The following AKT2 variants were observed in gnomAD, a reference collection of about 807,000 sequenced individuals.
AKT2 encodes RAC-beta serine/threonine-protein kinase.
Under a neutral mutation model 58.6 loss-of-function variants are expected in AKT2, and 16 were observed. The observed-to-expected ratio is 0.27, with a 90% confidence interval of 0.18 to 0.41. AKT2 has a LOEUF of 0.41. Among genes scored for constraint, AKT2 ranks in the 10% least tolerant of loss-of-function variants. The pLI is 1.00. For synonymous variants in AKT2, 253 were observed against 254.0 expected (o/e 1.00, Z 0.04); for missense variants, 438 against 661.0 (o/e 0.66, Z 3.70).
At chr19:40,260,811 G>T (rs1260875875) in intron 2 of AKT2, among the ~76,000 whole-genome samples, 1 of 152,044 alleles carries the variant, frequency 6.6e-6, no homozygotes, top group Non-Finnish European at 1.5e-5. Flanking sequence ...AGCCAAGTGT[G>T]GTGGCACCTG....
Position 40,235,595 on chromosome 19 carries a change from A to G in AKT2, c.1176-245T>C, listed in dbSNP as rs975424321. ...TTACCCTGAGTCCAGAAAGGGAGTT[A>G]GTAGGGCAGGCTCCGTTCCTATCCT... On this transcript the variant is annotated intron_variant, in intron 11 of 13. Transcript: ENST00000392038. This position sits in a 1 kb window ranked among gnomAD's most constrained non-coding sequence, Gnocchi z 6.3. 4 of 619,452 alleles carry G rather than the reference A, an allele frequency of 6.5e-6. No individual in the cohort carries two copies. The highest frequency in any genetic ancestry group is 1.1e-5 in the Non-Finnish European group (4 of 348,700). The allele number at this position is 619,452 out of a possible 1,614,324, so 38.4% of individuals were successfully genotyped here.
intron 4 of AKT2, among the ~76,000 whole-genome samples, chr19:40,250,427 C>T (rs1468452708): frequency 6.6e-6 from 1 of 151,968 alleles, no homozygotes; most frequent in African/African-American, 2.4e-5. Flanking sequence ...CACTTGAACC[C>T]AGGAGGAAGA....
At position 40,250,477 on chromosome 19, in the gene AKT2, T is replaced by C. The variant is rs1975076751; in HGVS notation, c.287+4681A>G. On this transcript the variant is annotated intron_variant, in intron 4 of 13. Transcript: ENST00000392038. ...AAGATTGCACCATTGTACTCCAGCC[T>C]GGGCAACAAGAGTGAAACTCTGTCT... is the stretch of plus-strand genomic sequence containing the variant. Among the ~76,000 whole-genome samples, 6 of 151,302 alleles carry C rather than the reference T, an allele frequency of 4.0e-5. 1 individual carries two copies. The South Asian group carries it at 1.3e-3, about 32-fold the overall frequency.
intron 4 of AKT2, among the ~76,000 whole-genome samples, chr19:40,245,118 T>C (rs1171552820): frequency 6.6e-6 from 1 of 152,200 alleles, no homozygotes; most frequent in East Asian, 1.9e-4. Flanking sequence ...CAGTGTTTAA[T>C]ACACAGGCTG....
intron 4 of AKT2, among the ~76,000 whole-genome samples, chr19:40,252,686 G>C (rs1975251380): frequency 6.6e-6 from 1 of 152,118 alleles, no homozygotes; most frequent in African/African-American, 2.4e-5. Flanking sequence ...TGGCCCCTTG[G>C]TTCTCTGGTG....
intron 2 of AKT2, among the ~76,000 whole-genome samples, chr19:40,259,604 T>A (rs758179211): frequency 2.6e-5 from 4 of 152,138 alleles, no homozygotes; most frequent in Non-Finnish European, 5.9e-5. Flanking sequence ...ATTAAAAACC[T>A]TTGTGCATGA....
chr19:40,265,440 C>A, intron 1 of AKT2, 89 bp from the exon 2 acceptor site: 1 of 1,490,614 alleles, frequency 6.7e-7, no homozygotes, highest in South Asian at 1.3e-5. Flanking sequence ...GGCCCTCTGG[C>A]TGTTCTGCCC....
intron 2 of AKT2, among the ~76,000 whole-genome samples, chr19:40,257,586 A>AACACACACACACACACAC (rs59835118): frequency 2.3e-4 from 34 of 146,236 alleles, no homozygotes; most frequent in African/African-American, 8.4e-4. Flanking sequence ...TATGCACACA[A>AACACACACACACACACAC]ACACACACAC....
intron 1 of AKT2, among the ~76,000 whole-genome samples, chr19:40,281,250 G>C (rs570148643): frequency 7.6e-4 from 116 of 152,312 alleles, no homozygotes; most frequent in South Asian, 4.3e-3. Flanking sequence ...CAGCTACTCA[G>C]GAGACTGAGG....
At chr19:40,276,011 CAAA>C (rs748730960) in intron 1 of AKT2, among the ~76,000 whole-genome samples, 4 of 107,124 alleles carry the variant, frequency 3.7e-5, no homozygotes, top group Non-Finnish European at 6.0e-5. Context: ...GACTCCGTCT[CAAA>C]AAAAAAAAAA....
At chr19:40,275,321 C>A (rs1356849245) in intron 1 of AKT2, 5 of 456,534 alleles carry the variant, frequency 1.1e-5, no homozygotes, top group South Asian at 7.7e-5. Flanking sequence ...AATCCCTGAC[C>A]CACGTCGCTC....
intron 2 of AKT2, among the ~76,000 whole-genome samples, chr19:40,263,840 T>G (rs1600081564): frequency 6.6e-6 from 1 of 152,314 alleles, no homozygotes; most frequent in East Asian, 1.9e-4. Context: ...CCCTCAGGAC[T>G]CATTGGCTGT....
chr19:40,234,623 C>A lies in AKT2; in HGVS notation c.1366+422G>T. 2.1e-6 allele frequency: 1 copy of A among 472,830 alleles called. No homozygotes were observed. The highest frequency in any genetic ancestry group is 3.7e-6 in the Non-Finnish European group (1 of 269,416). The allele number at this position is 472,830 out of a possible 1,614,324, so 29.3% of individuals were successfully genotyped here. A position where few individuals can be genotyped will look rare whatever the true frequency, so the allele number is the denominator to read the frequency against. The stretch of plus-strand genomic sequence containing the variant: ...TGGGATTCCCCAGTCCCTGGCCTCC[C>A]ACGCCCTAGCCCTGACCACTCCAGG... On this transcript the variant is annotated intron_variant, in intron 13 of 13. Transcript: ENST00000392038. The surrounding 1 kb of genome is among the most constrained non-coding windows in gnomAD (Gnocchi z 4.7).
chr19:40,235,353 G>A lies in AKT2; in HGVS notation c.1176-3C>T, dbSNP rs1384133753. 1 of 1,613,606 alleles carries A rather than the reference G, an allele frequency of 6.2e-7. No homozygotes were observed. Among genetic ancestry groups the A allele is most frequent in the African/African-American group, 1.3e-5 (1 of 74,938 alleles). On this transcript the variant is annotated splice_region_variant and splice_polypyrimidine_tract_variant and intron_variant, in intron 11 of 13. Transcript: ENST00000392038. The surrounding 1 kb of genome is among the most constrained non-coding windows in gnomAD (Gnocchi z 6.3). ...CATCGCTGGGCCCCCCACCAAGCCT[G>A]TGCAGAGACGGCCGTCAGCACCTGC...
intron 4 of AKT2, among the ~76,000 whole-genome samples, chr19:40,245,460 A>C (rs1012996571): frequency 6.6e-6 from 1 of 152,178 alleles, no homozygotes; most frequent in African/African-American, 2.4e-5. Context: ...CTGCAGACAC[A>C]TGCTCACATA....
intron 2 of AKT2, among the ~76,000 whole-genome samples, chr19:40,261,245 G>A (rs145976649): frequency 2.2e-4 from 34 of 152,302 alleles, no homozygotes; most frequent in Non-Finnish European, 2.5e-4. Flanking sequence ...ATAAAAGGAC[G>A]AGTTCGGCCA....
chr19:40,254,621 A>G (rs985534620), intron 4 of AKT2, among the ~76,000 whole-genome samples: 1 of 151,704 alleles, frequency 6.6e-6, no homozygotes, highest in African/African-American at 2.4e-5. Context: ...TGAGGTCAGG[A>G]GTTTGAGACC....
rs1456357013 is a variant in AKT2, at chr19:40,234,933, C to T, written c.1366+112G>A. ...TGAGAGCAGACTTGGGGAAATCTCC[C>T]AGACATGAAGCGGGGGCCTTCGAGG... On this transcript the variant is annotated intron_variant, in intron 13 of 13. Transcript: ENST00000392038. The surrounding 1 kb of genome is among the most constrained non-coding windows in gnomAD (Gnocchi z 4.7). 1 of 1,017,110 alleles carries T rather than the reference C, an allele frequency of 9.8e-7. No individual in the cohort carries two copies. The highest frequency in any genetic ancestry group is 1.5e-6 in the Non-Finnish European group (1 of 657,750). The allele number at this position is 1,017,110 out of a possible 1,614,324, so 63.0% of individuals were successfully genotyped here.
At chr19:40,280,494 G>A (rs562139549) in intron 1 of AKT2, among the ~76,000 whole-genome samples, 3 of 152,202 alleles carry the variant, frequency 2.0e-5, no homozygotes, top group East Asian at 1.9e-4. Context: ...GCCTGTGACC[G>A]GCTCCTGGGT....
Sources: gnomAD v4.1 joint callset for allele counts (sites outside exome capture counted in the v4.1 genomes callset) on GRCh38, gnomAD v4.1.1 for gene constraint, Gnocchi (gnomAD v3.1) non-coding constraint, MANE v1.5 for transcripts, NCBI Gene and HGNC (gene_info 2026-07-23, HGNC 2026-07-21) for gene names.